The following HYCC1 variants were observed in gnomAD, a reference collection of about 807,000 sequenced individuals.
HYCC1 encodes the protein hyccin PI4KA lipid kinase complex subunit 1.
chr7:22,948,501 C>A, the HYCC1 span, among the ~76,000 whole-genome samples: 1 of 152,056 alleles, frequency 6.6e-6, no homozygotes, highest in Non-Finnish European at 1.5e-5. Context: ...ATGACCTGGG[C>A]ATAAGATTTT....
the HYCC1 span, among the ~76,000 whole-genome samples, chr7:22,966,935 G>T: frequency 6.6e-6 from 1 of 152,114 alleles, no homozygotes; most frequent in African/African-American, 2.4e-5. Context: ...AAAAATGTAT[G>T]CCCAAACTAG....
At chr7:22,896,566 C>T in the HYCC1 span, among the ~76,000 whole-genome samples, 1 of 152,176 alleles carries the variant, frequency 6.6e-6, no homozygotes, top group Non-Finnish European at 1.5e-5. Flanking sequence ...TTGCTGAAGT[C>T]TCAGTGTCTG....
chr7:23,002,185 T>A, the HYCC1 span, among the ~76,000 whole-genome samples: 4 of 138,798 alleles, frequency 2.9e-5, no homozygotes, highest in African/African-American at 1.1e-4. Context: ...TACATATAGT[T>A]TGCGGCTACA....
At chr7:22,991,774 G>A in the HYCC1 span, among the ~76,000 whole-genome samples, 1 of 152,042 alleles carries the variant, frequency 6.6e-6, no homozygotes, top group Non-Finnish European at 1.5e-5. Context: ...AAAATACAAC[G>A]TATTTTTCTT....
the HYCC1 span, among the ~76,000 whole-genome samples, chr7:22,957,124 T>C: frequency 2.0e-5 from 3 of 151,926 alleles, no homozygotes; most frequent in South Asian, 2.1e-4. Flanking sequence ...GATTGGGCTG[T>C]AAAGAAAATT....
chr7:22,976,260 TA>T, the HYCC1 span: 4 of 1,613,248 alleles, frequency 2.5e-6, no homozygotes, highest in Non-Finnish European at 2.5e-6. Context: ...GCATGTAAGT[TA>T]AGGCAGCATT....
the HYCC1 span, chr7:22,947,192 C>T: frequency 6.5e-7 from 1 of 1,550,056 alleles, no homozygotes; most frequent in Non-Finnish European, 8.7e-7. Flanking sequence ...TGACACTAAT[C>T]TCAGGAATGA....
chr7:22,952,693 G>A, the HYCC1 span, among the ~76,000 whole-genome samples: 3 of 151,840 alleles, frequency 2.0e-5, no homozygotes, highest in African/African-American at 7.3e-5. Flanking sequence ...TCACATTCGC[G>A]TAACACAAGA....
chr7:22,911,841 T>G, the HYCC1 span, among the ~76,000 whole-genome samples: 1 of 152,238 alleles, frequency 6.6e-6, no homozygotes, highest in Non-Finnish European at 1.5e-5. Flanking sequence ...TGAAGTGAAT[T>G]CTAACTAAAT....
chr7:22,985,175 C>T, the HYCC1 span, among the ~76,000 whole-genome samples: 3 of 152,328 alleles, frequency 2.0e-5, no homozygotes, highest in African/African-American at 4.8e-5. Flanking sequence ...TCACTCTAAA[C>T]ATACATTATT....
At chr7:22,971,665 G>T in the HYCC1 span, among the ~76,000 whole-genome samples, 1 of 108,946 alleles carries the variant, frequency 9.2e-6, no homozygotes, top group Non-Finnish European at 1.7e-5. Context: ...AACAGAGCAA[G>T]ACCCCATCTC....
chr7:22,930,961 CAACA>C, the HYCC1 span, among the ~76,000 whole-genome samples: 2 of 151,970 alleles, frequency 1.3e-5, no homozygotes, highest in East Asian at 3.9e-4. Flanking sequence ...TAAAAACACT[CAACA>C]AACTACAAAT....
chr7:23,002,161 T>TATATATACAA, the HYCC1 span, among the ~76,000 whole-genome samples: 1 of 60,260 alleles, frequency 1.7e-5, no homozygotes, highest in Non-Finnish European at 3.5e-5. Flanking sequence ...TATATATATA[T>TATATATACAA]ATATATATAT....
At chr7:22,925,476 G>A in the HYCC1 span, among the ~76,000 whole-genome samples, 1 of 152,184 alleles carries the variant, frequency 6.6e-6, no homozygotes, top group Non-Finnish European at 1.5e-5. Flanking sequence ...CCAATGCAGA[G>A]AAGTCCTTAA....
the HYCC1 span, among the ~76,000 whole-genome samples, chr7:22,898,245 A>G: frequency 6.7e-6 from 1 of 148,314 alleles, no homozygotes; most frequent in African/African-American, 2.5e-5. Context: ...ACAGAGTCTC[A>G]CTCTGTCACC....
the HYCC1 span, chr7:22,983,853 T>C: frequency 2.6e-6 from 2 of 775,768 alleles, no homozygotes; most frequent in African/African-American, 3.5e-5. Context: ...AACATATACA[T>C]TTTCTTACCC....
At chr7:22,987,387 A>C in the HYCC1 span, among the ~76,000 whole-genome samples, 2 of 152,178 alleles carry the variant, frequency 1.3e-5, no homozygotes, top group African/African-American at 2.4e-5. Context: ...AGCTCTAATA[A>C]AAATACAAAA....
At chr7:22,990,831 G>T in the HYCC1 span, among the ~76,000 whole-genome samples, 9 of 152,086 alleles carry the variant, frequency 5.9e-5, no homozygotes, top group Non-Finnish European at 1.3e-4. Flanking sequence ...TGCCATGAAA[G>T]AAAGAAAATA....
At chr7:22,918,192 T>C in the HYCC1 span, among the ~76,000 whole-genome samples, 1 of 152,202 alleles carries the variant, frequency 6.6e-6, no homozygotes, top group African/African-American at 2.4e-5. Context: ...GCACTCTGAT[T>C]GGATGTCATG....
Sources: gnomAD v4.1 joint callset for allele counts (sites outside exome capture counted in the v4.1 genomes callset) on GRCh38, gnomAD v4.1.1 for gene constraint, MANE v1.5 for transcripts, NCBI Gene and HGNC (gene_info 2026-07-23, HGNC 2026-07-21) for gene names.